SLC11A1: variants seen among roughly 807,000 people sequenced by gnomAD.
SLC11A1 encodes the protein solute carrier family 11 member 1.
Under a neutral mutation model 63.2 loss-of-function variants are expected in SLC11A1, and 59 were observed. The observed-to-expected ratio is 0.93, with a 90% CI of 0.76 to 1.16. The LOEUF (loss-of-function observed/expected upper bound fraction) is 1.16. Ranked by LOEUF, SLC11A1 falls within the 50% of genes most tolerant of loss-of-function variation. SLC11A1 has a pLI of 0.00. For missense variants in SLC11A1, 688 were observed against 730.7 expected (o/e 0.94, Z 0.67); for synonymous variants, 305 against 307.8 (o/e 0.99, Z 0.09).
At chr2:218,389,415 T>C (rs1314867192) in intron 8 of SLC11A1, among the ~76,000 whole-genome samples, 2 of 151,956 alleles carry the variant, frequency 1.3e-5, no homozygotes, top group African/African-American at 2.4e-5. Flanking sequence ...TAGCGGGTTG[T>C]AGTGGTGTGT....
chr2:218,384,254 C>T lies in SLC11A1; in HGVS notation c.162C>T (p.Ser54=), dbSNP rs144642978. 13 of 1,599,490 alleles carry T rather than the reference C, an allele frequency of 8.1e-6. No homozygotes were observed. The African/African-American group carries it at 1.5e-4, about 18-fold the overall frequency. ...CCACCCCCCAACAGGGCACCTTCAGCCTGCGGAAGCTATGGGCCTTCACGG... is the reference window on the plus strand; with the variant it reads ...CCACCCCCCAACAGGGCACCTTCAGTCTGCGGAAGCTATGGGCCTTCACGG... ...PIPDTKPGTF[S]LRKLWAFTGP... Residue 54 remains serine (S), a synonymous_variant, in exon 3 of 15, where the codon AGC becomes AGT. Transcript: ENST00000233202. This position sits in a 1 kb window ranked among gnomAD's most constrained non-coding sequence, Gnocchi z 4.0.
chr2:218,384,357 G>C lies in SLC11A1; in HGVS notation c.265G>C (p.Gly89Arg). 2 of 1,602,152 alleles carry C rather than the reference G, an allele frequency of 1.2e-6. No homozygotes were observed. Among genetic ancestry groups the C allele is most frequent in the Non-Finnish European group, 1.7e-6 (2 of 1,171,660 alleles). ...ESDLQAGAVA[G>R]FKLLWVLLWA... is the part of the protein sequence containing the mutation. ...AGATCTTCAGGCTGGCGCCGTGGCG[G>C]GATTCAAAGTAACTAAGTCGGGACC... The change falls in exon 3 of 15, where the codon GGA (glycine) becomes CGA (arginine). Residue 89 changes from glycine to arginine, a missense_variant. Transcript: ENST00000233202. The surrounding 1 kb of genome is among the most constrained non-coding windows in gnomAD (Gnocchi z 4.0).
intron 13 of SLC11A1, 149 bp downstream of exon 13, chr2:218,394,342 T>A (rs1352843336): frequency 1.2e-6 from 1 of 832,960 alleles, no homozygotes; most frequent in Non-Finnish European, 1.9e-6. Flanking sequence ...TTCACACAGC[T>A]AGCAAGTTGA....
intron 4 of SLC11A1, 127 bp from the exon 5 acceptor site, chr2:218,386,508 C>T (rs2106330671): frequency 1.6e-6 from 1 of 644,910 alleles, no homozygotes; most frequent in Non-Finnish European, 2.8e-6. Context: ...GCTCTTCCTA[C>T]ATAAGGTAGG....
In SLC11A1 at chr2:218,387,838, G is replaced by A. The variant is rs1696192874; in HGVS notation, c.678G>A (p.Arg226=). 6.2e-7 allele frequency: 1 copy of A among 1,603,566 alleles called. No homozygotes were observed. The highest frequency in any genetic ancestry group is 8.5e-7 in the Non-Finnish European group (1 of 1,175,230). The change falls in exon 8 of 15, where the codon CGG becomes CGA. Residue 226 remains arginine (R), a synonymous_variant. Transcript: ENST00000233202. ...GTCCTGAGCAGGGAGCGCTTCTTCG[G>A]GGCCTGTTCCTGCCCTCGTGCCCGG... ...VARPEQGALL[R]GLFLPSCPGC... is the part of the protein sequence containing the mutation.
In SLC11A1 at chr2:218,395,878, T is replaced by A. The variant is rs1696728016; in HGVS notation, c.*843T>A. ...ACACCAGGGTCTGGTCCGCTCCTAT[T>A]CGCCGCAGCCTTTCTGTTCCGCCTG... On this transcript the variant is annotated 3_prime_UTR_variant, in exon 15 of 15. Transcript: ENST00000233202. The A allele has an allele frequency of 6.6e-6, 1 of 152,398 alleles. No individual in the cohort carries two copies. The highest frequency in any genetic ancestry group is 6.5e-5 in the Admixed American group (1 of 15,284). The allele number at this position is 152,398 out of a possible 1,614,324, so 9.4% of individuals were successfully genotyped here. A position where few individuals can be genotyped will look rare whatever the true frequency, so the allele number is the denominator to read the frequency against.
chr2:218,395,341 T>G lies in SLC11A1; in HGVS notation c.*306T>G. 2 of 317,160 alleles carry G rather than the reference T, an allele frequency of 6.3e-6. No homozygotes were observed. The highest frequency in any genetic ancestry group is 1.2e-5 in the Non-Finnish European group (2 of 168,010). The allele number at this position is 317,160 out of a possible 1,614,324, so 19.6% of individuals were successfully genotyped here. On this transcript the variant is annotated 3_prime_UTR_variant, in exon 15 of 15. Transcript: ENST00000233202. ...TTTCAAAAGGTATTTATTGAGCACC[T>G]GCAGGCGTGACCTGACAGCCCAAGG...
At chr2:218,386,585 C>A in intron 4 of SLC11A1, 50 bp from the exon 5 acceptor site, 1 of 1,326,066 alleles carries the variant, frequency 7.5e-7, no homozygotes, top group Middle Eastern at 1.8e-4. Context: ...TCTGAGACGA[C>A]AGGCAAATAA....
rs1453391481 is a variant in SLC11A1, at chr2:218,395,410, C to A, written c.*375C>A. The A allele has an allele frequency of 5.0e-6, 1 of 198,108 alleles. No homozygotes were observed. Among genetic ancestry groups the A allele is most frequent in the Non-Finnish European group, 1.0e-5 (1 of 96,624 alleles). 12.3% of individuals were successfully genotyped at this position (198,108 alleles called of 1,614,324 possible). A position where few individuals can be genotyped will look rare whatever the true frequency, so the allele number is the denominator to read the frequency against. ...TGAGGACTTGGGCGGGACACAGGCT[C>A]CAAACTGGAGCTTGAAATAGTGTCT... On this transcript the variant is annotated 3_prime_UTR_variant, in exon 15 of 15. Coordinates refer to ENST00000233202, the MANE Select transcript of SLC11A1 (RefSeq NM_000578.4).
chr2:218,392,993 C>T lies in SLC11A1; in HGVS notation c.1177C>T (p.Leu393=). The T allele has an allele frequency of 1.0e-5, 16 of 1,592,784 alleles. No homozygotes were observed. Among genetic ancestry groups the T allele is most frequent in the Non-Finnish European group, 2.6e-6 (3 of 1,172,630 alleles). Residue 393 remains leucine (L), a synonymous_variant, in exon 12 of 15, where the codon CTG becomes TTG. Coordinates refer to ENST00000233202, the MANE Select transcript of SLC11A1 (RefSeq NM_000578.4). Reference sequence around the variant, plus strand: ...ACCCCCACCCCAGGGCTTCCTGAGGCTGCGGTGGTCACGCTTCGCCCGTGT... The same window carrying T: ...ACCCCCACCCCAGGGCTTCCTGAGGTTGCGGTGGTCACGCTTCGCCCGTGT... ...GQFVMEGFLR[L]RWSRFARVLL...
intron 11 of SLC11A1, chr2:218,391,877 C>A (rs1574776185): frequency 5.3e-5 from 14 of 264,326 alleles, no homozygotes; most frequent in South Asian, 4.9e-4. Context: ...CCTGCCTTGG[C>A]CTCCCAAAGT....
chr2:218,391,635 T>C lies in SLC11A1; in HGVS notation c.1164+140T>C, dbSNP rs1696459148. 3.4e-6 allele frequency: 4 copies of C among 1,170,650 alleles called. No homozygotes were observed. The South Asian group carries it at 6.7e-5, about 19-fold the overall frequency. The allele number at this position is 1,170,650 out of a possible 1,614,324, so 72.5% of individuals were successfully genotyped here. ...TTTTTTTTGTTTTTGTTTTTGTTGT[T>C]GTTGTTGAGACGGAGTCTCGCTCTT... On this transcript the variant is annotated intron_variant, in intron 11 of 14. Transcript: ENST00000233202.
intron 7 of SLC11A1, 38 bp from the exon 8 acceptor site, chr2:218,387,762 A>AG (rs985904232): frequency 6.2e-7 from 1 of 1,611,610 alleles, no homozygotes; most frequent in Non-Finnish European, 8.5e-7. Flanking sequence ...CGTGGTTGCG[A>AG]GGGGCGGGGC....
At chr2:218,391,060 G>T (rs1196014299) in intron 9 of SLC11A1, 138 bp from the exon 10 acceptor site, 1 of 696,366 alleles carries the variant, frequency 1.4e-6, no homozygotes, top group Non-Finnish European at 2.5e-6. Flanking sequence ...AACTTATTTT[G>T]TTAGCCAAAC....
intron 9 of SLC11A1, 25 bp from the exon 10 acceptor site, chr2:218,391,169 TCTTC>T: frequency 1.2e-6 from 2 of 1,605,742 alleles, no homozygotes; most frequent in Non-Finnish European, 1.7e-6. Flanking sequence ...GCTCCTCACA[TCTTC>T]CTTCTACTGC....
chr2:218,383,417 G>A (rs1353284451), intron 2 of SLC11A1: 1 of 262,166 alleles, frequency 3.8e-6, no homozygotes, highest in South Asian at 7.6e-5. Flanking sequence ...AAGGGCATAG[G>A]GAGAAGTGAA....
At chr2:218,387,426 T>A in intron 6 of SLC11A1, 139 bp from the exon 7 acceptor site, 1 of 981,856 alleles carries the variant, frequency 1.0e-6, no homozygotes, top group Non-Finnish European at 1.6e-6. Flanking sequence ...CAGAGGGTGG[T>A]TGTGAAGACT....
At chr2:218,386,838 T>C in intron 5 of SLC11A1, 97 bp downstream of exon 5, 1 of 885,166 alleles carries the variant, frequency 1.1e-6, no homozygotes, top group Non-Finnish European at 1.9e-6. Flanking sequence ...TATTTTATCC[T>C]GCTGTCCCCT....
rs1377785888 is a variant in SLC11A1, at chr2:218,396,020, G to A, written c.*985G>A. 6.6e-6 allele frequency: 1 copy of A among 152,354 alleles called. No homozygotes were observed. Among genetic ancestry groups the A allele is most frequent in the African/African-American group, 2.4e-5 (1 of 41,446 alleles). 9.4% of individuals were successfully genotyped at this position (152,354 alleles called of 1,614,324 possible). A position where few individuals can be genotyped will look rare whatever the true frequency, so the allele number is the denominator to read the frequency against. On this transcript the variant is annotated 3_prime_UTR_variant, in exon 15 of 15. Coordinates refer to ENST00000233202, the MANE Select transcript of SLC11A1 (RefSeq NM_000578.4). ...CCCAAATTATTTGCTGTTTCCTCAGGGGAGCCGGCGGCCGCGACTCCCACG... is the reference window on the plus strand; with the variant it reads ...CCCAAATTATTTGCTGTTTCCTCAGAGGAGCCGGCGGCCGCGACTCCCACG...
Sources: allele counts gnomAD v4.1 joint callset (sites outside exome capture counted in the v4.1 genomes callset), GRCh38; gene constraint gnomAD v4.1.1; non-coding constraint Gnocchi (gnomAD v3.1); transcripts MANE v1.5; gene names NCBI Gene and HGNC (gene_info 2026-07-23, HGNC 2026-07-21).